SLC14A2: variants seen among roughly 807,000 people sequenced by gnomAD.
SLC14A2 encodes the protein solute carrier family 14 member 2.
Under a neutral mutation model 104.6 loss-of-function variants are expected in SLC14A2, and 91 were observed. The observed-to-expected ratio is 0.87, with a 90% CI of 0.73 to 1.04. The LOEUF is 1.04. SLC14A2 is among the 50% of genes least tolerant of loss of function. The pLI is 0.00. For missense variants in SLC14A2, 1,189 were observed against 1,156.0 expected (o/e 1.03, Z -0.41); for synonymous variants, 476 against 466.4 (o/e 1.02, Z -0.27).
At chr18:45,480,868 G>A (rs933910078) in intron 1 of SLC14A2, among the ~76,000 whole-genome samples, 3 of 152,060 alleles carry the variant, frequency 2.0e-5, no homozygotes, top group African/African-American at 4.8e-5. Flanking sequence ...TTTTTAAAAA[G>A]CAGCATGAGT....
At chr18:45,521,597 T>C (rs573247176) in intron 2 of SLC14A2, among the ~76,000 whole-genome samples, 216 of 152,282 alleles carry the variant, frequency 1.4e-3, no homozygotes, top group Non-Finnish European at 2.7e-3. Flanking sequence ...TTTTTCATTT[T>C]TTTTCTTTTT....
At chr18:45,350,862 T>C in intron 1 of SLC14A2, among the ~76,000 whole-genome samples, 1 of 152,182 alleles carries the variant, frequency 6.6e-6, no homozygotes, top group Middle Eastern at 3.4e-3. Context: ...TTTAGGTCGA[T>C]ACAATTATAG....
chr18:45,254,665 C>A (rs943485127), intron 1 of SLC14A2, among the ~76,000 whole-genome samples: 6 of 152,052 alleles, frequency 3.9e-5, no homozygotes, highest in African/African-American at 1.4e-4. Flanking sequence ...GGAGAGAAAT[C>A]CTCTATTTGA....
At chr18:45,307,156 C>G (rs980527558) in intron 1 of SLC14A2, among the ~76,000 whole-genome samples, 2 of 152,092 alleles carry the variant, frequency 1.3e-5, no homozygotes, top group African/African-American at 4.8e-5. Context: ...GTGGCTCACA[C>G]CTGTAATCCT....
intron 1 of SLC14A2, among the ~76,000 whole-genome samples, chr18:45,432,399 G>GT (rs2086531006): frequency 6.6e-6 from 1 of 152,166 alleles, no homozygotes; most frequent in African/African-American, 2.4e-5. Context: ...AATAATAGGT[G>GT]ATTAATTAAC....
At chr18:45,619,701 G>A (rs571790494) in intron 1 of SLC14A2, among the ~76,000 whole-genome samples, 1 of 151,832 alleles carries the variant, frequency 6.6e-6, no homozygotes, top group South Asian at 2.1e-4. Flanking sequence ...CCCTCAGCCC[G>A]GACGTGGCTC....
intron 2 of SLC14A2, among the ~76,000 whole-genome samples, chr18:45,537,708 A>G (rs2043817080): frequency 1.3e-5 from 2 of 152,192 alleles, no homozygotes; most frequent in Non-Finnish European, 2.9e-5. Context: ...TGGGTATAGA[A>G]TAGACCGCAT....
At chr18:45,403,778 G>GAATGAATA (rs1429890599) in intron 1 of SLC14A2, among the ~76,000 whole-genome samples, 1 of 152,174 alleles carries the variant, frequency 6.6e-6, no homozygotes, top group African/African-American at 2.4e-5. Context: ...ATGAATGAAT[G>GAATGAATA]AATGAATAAA....
the SLC14A2 span, among the ~76,000 whole-genome samples, chr18:45,189,534 A>T: frequency 1.3e-5 from 2 of 152,222 alleles, no homozygotes; most frequent in Non-Finnish European, 2.9e-5. Context: ...AGTATGAAAA[A>T]GTAGAGTAGA....
At chr18:45,403,238 C>T (rs552723914) in intron 1 of SLC14A2, among the ~76,000 whole-genome samples, 50 of 152,172 alleles carry the variant, frequency 3.3e-4, no homozygotes, top group Admixed American at 1.7e-3. Flanking sequence ...ATAAAGACAC[C>T]AGTCCTATCA....
intron 1 of SLC14A2, among the ~76,000 whole-genome samples, chr18:45,314,255 G>C (rs1197667918): frequency 6.6e-6 from 1 of 152,180 alleles, no homozygotes; most frequent in Non-Finnish European, 1.5e-5. Flanking sequence ...GCATAGGGTA[G>C]AGCAACCTTG....
At chr18:45,303,915 CAG>C (rs1397417697) in intron 1 of SLC14A2, among the ~76,000 whole-genome samples, 2 of 152,234 alleles carry the variant, frequency 1.3e-5, no homozygotes, top group Non-Finnish European at 2.9e-5. Context: ...GCATCTAGCA[CAG>C]AGTCTTGCAA....
intron 2 of SLC14A2, among the ~76,000 whole-genome samples, chr18:45,571,454 G>A (rs1446470563): frequency 3.3e-5 from 5 of 152,222 alleles, no homozygotes; most frequent in Non-Finnish European, 7.3e-5. Context: ...TCCTGACAAT[G>A]AGCCGGCTGG....
chr18:45,175,472 C>T, the SLC14A2 span, among the ~76,000 whole-genome samples: 2 of 152,012 alleles, frequency 1.3e-5, no homozygotes, highest in African/African-American at 2.4e-5. Context: ...TTGCATGTGG[C>T]AATGCTGAGG....
At position 45,214,474 on chromosome 18, in the gene SLC14A2, A is replaced by G. The variant is rs143001348; in HGVS notation, c.-125+1283A>G. ...GGTTCTTCATCAGATGAATGTATCT[A>G]TTATTCCACAATGGCCTCTCAGTTC... On this transcript the variant is annotated intron_variant, in intron 1 of 20. Transcript: ENST00000586448. Among the ~76,000 whole-genome samples the G allele has an allele frequency of 8.6e-4, 131 of 152,320 alleles. 2 individuals carry two copies. In the East Asian group the frequency reaches 0.017, roughly 20 times the overall value.
intron 6 of SLC14A2, among the ~76,000 whole-genome samples, chr18:45,638,563 T>C (rs934774253): frequency 6.6e-6 from 1 of 152,162 alleles, no homozygotes; most frequent in African/African-American, 2.4e-5. Flanking sequence ...CCATGCCCCA[T>C]ATCAATTAAA....
the SLC14A2 span, among the ~76,000 whole-genome samples, chr18:45,183,436 T>C: frequency 6.6e-6 from 1 of 152,156 alleles, no homozygotes; most frequent in African/African-American, 2.4e-5. Flanking sequence ...TCGCACCATA[T>C]AAAGCTTTTA....
chr18:45,177,430 G>A, the SLC14A2 span, among the ~76,000 whole-genome samples: 1 of 152,158 alleles, frequency 6.6e-6, no homozygotes, highest in Non-Finnish European at 1.5e-5. Context: ...GGCCCTACCT[G>A]AGCTGGCCTA....
chr18:45,250,011 C>T (rs1293072384), intron 1 of SLC14A2, among the ~76,000 whole-genome samples: 1 of 152,012 alleles, frequency 6.6e-6, no homozygotes, highest in Non-Finnish European at 1.5e-5. Flanking sequence ...AAATTATCAA[C>T]CTAATAGCCA....
Sources: allele counts gnomAD v4.1 joint callset (sites outside exome capture counted in the v4.1 genomes callset), GRCh38; gene constraint gnomAD v4.1.1; transcripts MANE v1.5; gene names NCBI Gene and HGNC (gene_info 2026-07-23, HGNC 2026-07-21).